FBXW4: variants seen among roughly 807,000 people sequenced by gnomAD.
The protein encoded by FBXW4 is F-box/WD repeat-containing protein 4.
A neutral mutation model predicts 61.8 loss-of-function variants in FBXW4; 40 were observed. The ratio of observed to expected loss-of-function variants is 0.65; its 90% CI spans 0.50 to 0.84. The LOEUF is 0.84. Ranked by LOEUF, FBXW4 falls within the 40% of genes least tolerant of loss-of-function variation. FBXW4 has a pLI of 0.00. For missense variants in FBXW4, 672 were observed against 753.8 expected (o/e 0.89, Z 1.27); for synonymous variants, 311 against 313.8 (o/e 0.99, Z 0.10).
rs550482857 is a variant in FBXW4 at position 101,637,111 on chromosome 10, C to T, written c.1236-12301G>A. 1.0e-3 allele frequency among the ~76,000 whole-genome samples: 157 copies of T among 149,634 alleles called. 1 individual carries two copies. The highest frequency in any genetic ancestry group is 7.5e-3 in the South Asian group (35 of 4,674). ...TTAAAAAGCCACCATGGGCCGGGCA[C>T]GGTGGCTCACATTTGCAATCCCAGC... is the stretch of plus-strand genomic sequence containing the variant. On this transcript the variant is annotated intron_variant, in intron 5 of 8. Coordinates refer to ENST00000331272, the MANE Select transcript of FBXW4 (RefSeq NM_022039.4).
intron 6 of FBXW4, among the ~76,000 whole-genome samples, chr10:101,615,444 T>C (rs2063819611): frequency 6.6e-6 from 1 of 151,976 alleles, no homozygotes; most frequent in African/African-American, 2.4e-5. Flanking sequence ...TAAAGACAGA[T>C]GGGGCCATCT....
At chr10:101,652,321 C>A (rs2134861986) in intron 5 of FBXW4, among the ~76,000 whole-genome samples, 1 of 152,288 alleles carries the variant, frequency 6.6e-6, no homozygotes, top group South Asian at 2.1e-4. Flanking sequence ...ATGGCAACAT[C>A]CGTGGTCAGT....
At chr10:101,619,616 A>G (rs1342736995) in intron 6 of FBXW4, among the ~76,000 whole-genome samples, 1 of 151,178 alleles carries the variant, frequency 6.6e-6, no homozygotes, top group Non-Finnish European at 1.5e-5. Context: ...CCGAGATAGC[A>G]CCACTGTACT....
At chr10:101,650,249 A>C (rs899825678) in intron 5 of FBXW4, among the ~76,000 whole-genome samples, 1 of 152,174 alleles carries the variant, frequency 6.6e-6, no homozygotes, top group African/African-American at 2.4e-5. Context: ...CTTAGGCCCT[A>C]GTTCCTAGGG....
At chr10:101,679,068 C>T (rs550096547) in intron 1 of FBXW4, among the ~76,000 whole-genome samples, 52 of 152,162 alleles carry the variant, frequency 3.4e-4, no homozygotes, top group Non-Finnish European at 6.2e-4. Context: ...TCTCTAGAGG[C>T]AACTATGTAT....
chr10:101,634,229 TAAAC>T (rs1255850015), intron 5 of FBXW4, among the ~76,000 whole-genome samples: 4 of 149,498 alleles, frequency 2.7e-5, no homozygotes, highest in Admixed American at 6.6e-5. Flanking sequence ...AATGAACAAA[TAAAC>T]AAAAATCACT....
rs2064663337 is a variant in FBXW4 at position 101,695,126 on chromosome 10, C to G, written c.-21G>C. On this transcript the variant is annotated 5_prime_UTR_variant, in exon 1 of 9. Transcript: ENST00000331272. The surrounding 1 kb of genome is among the most constrained non-coding windows in gnomAD (Gnocchi z 4.2). ...CCCATGAGCGGCCGCGGGGCCGGCC[C>G]GACGCGGAGCCCAGCCCGAGCCGCC... 1.0e-6 allele frequency: 1 copy of G among 985,178 alleles called. No individual in the cohort carries two copies. Among genetic ancestry groups the G allele is most frequent in the Non-Finnish European group, 1.2e-6 (1 of 830,116 alleles). 61.0% of individuals were successfully genotyped at this position (985,178 alleles called of 1,614,324 possible). A position where few individuals can be genotyped will look rare whatever the true frequency, so the allele number is the denominator to read the frequency against.
intron 5 of FBXW4, among the ~76,000 whole-genome samples, chr10:101,636,601 T>C (rs1418471297): frequency 2.6e-5 from 4 of 151,942 alleles, no homozygotes; most frequent in African/African-American, 4.8e-5. Flanking sequence ...TTTTTTTTTT[T>C]TTAAAGATGG....
chr10:101,649,565 A>T (rs1310090065), intron 5 of FBXW4, among the ~76,000 whole-genome samples: 8 of 152,254 alleles, frequency 5.3e-5, no homozygotes, highest in African/African-American at 1.9e-4. Flanking sequence ...CCTCTGAAAC[A>T]GAGTGACCCA....
intron 5 of FBXW4, among the ~76,000 whole-genome samples, chr10:101,665,915 C>A (rs55827061): frequency 2.0e-5 from 3 of 152,114 alleles, no homozygotes; most frequent in Non-Finnish European, 4.4e-5. Context: ...AGACCATCTC[C>A]GGCCCTGAGA....
At chr10:101,651,358 G>T (rs1422643343) in intron 5 of FBXW4, among the ~76,000 whole-genome samples, 1 of 152,108 alleles carries the variant, frequency 6.6e-6, no homozygotes, top group Non-Finnish European at 1.5e-5. Flanking sequence ...GGTGAAAGAA[G>T]GGAGAGAAAG....
chr10:101,611,071 G>T lies in FBXW4; in HGVS notation c.*220C>A. 1.9e-6 allele frequency: 1 copy of T among 530,336 alleles called. No homozygotes were observed. Among genetic ancestry groups the T allele is most frequent in the Non-Finnish European group, 3.3e-6 (1 of 304,384 alleles). 32.9% of individuals were successfully genotyped at this position (530,336 alleles called of 1,614,324 possible). A position where few individuals can be genotyped will look rare whatever the true frequency, so the allele number is the denominator to read the frequency against. ...GGTTCAGCCGCACTCTAAAGCAGCA[G>T]GTCCTGCCTCTCCAACAGGTTCCTG... On this transcript the variant is annotated 3_prime_UTR_variant, in exon 9 of 9. Transcript: ENST00000331272. This position sits in a 1 kb window ranked among gnomAD's most constrained non-coding sequence, Gnocchi z 4.9.
At chr10:101,630,239 A>G (rs1330875000) in intron 5 of FBXW4, among the ~76,000 whole-genome samples, 1 of 152,098 alleles carries the variant, frequency 6.6e-6, no homozygotes, top group Non-Finnish European at 1.5e-5. Context: ...GAGCCTTATT[A>G]CTCTCTATTA....
At chr10:101,690,187 T>C (rs552739040) in intron 1 of FBXW4, among the ~76,000 whole-genome samples, 52 of 152,338 alleles carry the variant, frequency 3.4e-4, no homozygotes, top group African/African-American at 1.2e-3. Flanking sequence ...AATTTGCAGA[T>C]AGCGCTCCTG....
rs572758550 is a variant in FBXW4 at position 101,611,536 on chromosome 10, T to G, written c.1584+92A>C. The G allele has an allele frequency of 1.3e-6, 2 of 1,577,640 alleles. No individual in the cohort carries two copies. Among genetic ancestry groups the G allele is most frequent in the African/African-American group, 2.7e-5 (2 of 74,472 alleles). On this transcript the variant is annotated intron_variant, in intron 8 of 8. Coordinates refer to ENST00000331272, the MANE Select transcript of FBXW4 (RefSeq NM_022039.4). The surrounding 1 kb of genome is among the most constrained non-coding windows in gnomAD (Gnocchi z 4.9). ...ATTGTAGGCTTCTTCCAACCCTTTC[T>G]AGGCACGTCCTTGGCTACCTCACCC...
chr10:101,676,503 G>T, intron 1 of FBXW4, 67 bp from the exon 2 acceptor site: 1 of 1,301,236 alleles, frequency 7.7e-7, no homozygotes, highest in Non-Finnish European at 1.1e-6. Flanking sequence ...AATTTCATGG[G>T]CTTACTGAGT....
At chr10:101,689,222 C>T (rs1168052466) in intron 1 of FBXW4, among the ~76,000 whole-genome samples, 2 of 152,128 alleles carry the variant, frequency 1.3e-5, no homozygotes, top group Admixed American at 6.5e-5. Context: ...GCTCATCTCA[C>T]AGACTGTGAA....
chr10:101,658,389 A>G (rs894124427), intron 5 of FBXW4, among the ~76,000 whole-genome samples: 1 of 152,192 alleles, frequency 6.6e-6, no homozygotes, highest in African/African-American at 2.4e-5. Flanking sequence ...TACTAAAAAT[A>G]CAAAAATTAG....
intron 5 of FBXW4, among the ~76,000 whole-genome samples, chr10:101,627,104 G>C (rs1436797657): frequency 6.7e-6 from 1 of 148,628 alleles, no homozygotes; most frequent in East Asian, 2.0e-4. Context: ...GCCCAGGCTG[G>C]TCTTGAGCTC....
Sources: gnomAD v4.1 joint callset for allele counts (sites outside exome capture counted in the v4.1 genomes callset) on GRCh38, gnomAD v4.1.1 for gene constraint, Gnocchi (gnomAD v3.1) non-coding constraint, MANE v1.5 for transcripts, NCBI Gene and HGNC (gene_info 2026-07-23, HGNC 2026-07-21) for gene names.